Variants in TNFSF12 observed in about 807,000 individuals in gnomAD.
TNFSF12 encodes the protein TNF superfamily member 12.
A neutral mutation model predicts 31.2 loss-of-function variants in TNFSF12; 16 were observed. That is an observed-to-expected ratio of 0.51 (90% CI 0.35 to 0.78). The LOEUF (loss-of-function observed/expected upper bound fraction) is 0.78. TNFSF12 is among the 30% of genes least tolerant of loss of function. The probability of loss-of-function intolerance (pLI) is 0.01; values close to 1 mark genes in which losing one functional copy is unlikely to be tolerated. For missense variants in TNFSF12, 324 were observed against 338.8 expected (o/e 0.96, Z 0.34); for synonymous variants, 150 against 151.4 (o/e 0.99, Z 0.07).
chr17:7,555,569 T>C (rs553952352), intron 5 of TNFSF12, among the ~76,000 whole-genome samples: 2 of 152,290 alleles, frequency 1.3e-5, no homozygotes, highest in African/African-American at 4.8e-5. Context: ...TAGAGACTCA[T>C]TCTGTGGCTT....
In TNFSF12 at chr17:7,550,397, A is replaced by G. The variant is rs1164730294; in HGVS notation, c.283+202A>G. Among the ~76,000 whole-genome samples the G allele has an allele frequency of 1.3e-5, 2 of 152,290 alleles. No individual in the cohort carries two copies. The highest frequency in any genetic ancestry group is 3.9e-4 in the East Asian group (2 of 5,184). ...CCTTCAGACCCTACCCCAAACAGGA[A>G]GGCAGGGTGGCCATGAGTTAGAAGA... On this transcript the variant is annotated intron_variant, in intron 3 of 6. Coordinates refer to ENST00000293825, the MANE Select transcript of TNFSF12 (RefSeq NM_003809.3). This position sits in a 1 kb window ranked among gnomAD's most constrained non-coding sequence, Gnocchi z 4.4.
rs1400404692 is a variant in TNFSF12, at chr17:7,551,109, C to A, written c.373+131C>A. The A allele has an allele frequency of 2.7e-6, 4 of 1,483,414 alleles. No individual in the cohort carries two copies. The African/African-American group carries it at 4.2e-5, about 16-fold the overall frequency. 91.9% of individuals were successfully genotyped at this position (1,483,414 alleles called of 1,614,324 possible). A position where few individuals can be genotyped will look rare whatever the true frequency, so the allele number is the denominator to read the frequency against. ...GCCAGTTCATGAAGGTCTTGGTTCT[C>A]TCTGTGACCCAGGCGTGGGACCCCA... is the stretch of plus-strand genomic sequence containing the variant. On this transcript the variant is annotated intron_variant, in intron 5 of 6. Transcript: ENST00000293825.
rs748479475 is a variant in TNFSF12 at position 7,550,810 on chromosome 17, C to T, written c.295C>T (p.Arg99Trp). ...TCCTTGATCCTCAGCACCTAAAGGC[C>T]GGAAAACACGGGCTCGAAGAGCGAT... ...VRPRRSAPKG[R>W]KTRARRAIAA... is the part of the protein sequence containing the mutation. Residue 99 changes from arginine (R) to tryptophan (W), a missense_variant, in exon 4 of 7, where the codon CGG becomes TGG. Physicochemically the swap from Arg to Trp is moderately radical, Grantham distance 101 (BLOSUM62 -3). Transcript: ENST00000293825. This position sits in a 1 kb window ranked among gnomAD's most constrained non-coding sequence, Gnocchi z 4.4. 1.1e-5 allele frequency: 17 copies of T among 1,611,130 alleles called. 1 individual carries two copies. The South Asian group carries it at 1.1e-4, about 10-fold the overall frequency.
chr17:7,553,040 T>C (rs1206356596), intron 5 of TNFSF12, among the ~76,000 whole-genome samples: 10 of 78,942 alleles, frequency 1.3e-4, no homozygotes, highest in Admixed American at 8.4e-4. Flanking sequence ...TTTTTTTTTT[T>C]TTTTTTTTTT....
At chr17:7,553,916 G>T in intron 5 of TNFSF12, 1 of 1,009,172 alleles carries the variant, frequency 9.9e-7, no homozygotes. Flanking sequence ...GGAGACAGGA[G>T]ATTTGAGGAG....
intron 5 of TNFSF12, among the ~76,000 whole-genome samples, chr17:7,552,688 C>T (rs938262011): frequency 6.6e-6 from 1 of 152,012 alleles, no homozygotes. Context: ...AAGGGCCCCA[C>T]GAATGAAGCC....
chr17:7,554,547 C>A (rs113924794), intron 5 of TNFSF12, among the ~76,000 whole-genome samples: 1 of 149,710 alleles, frequency 6.7e-6, no homozygotes, highest in Non-Finnish European at 1.5e-5. Flanking sequence ...GATCTCCTGA[C>A]CTCGTGATCC....
intron 6 of TNFSF12, 66 bp downstream of exon 6, chr17:7,556,968 G>A: frequency 6.5e-7 from 1 of 1,529,392 alleles, no homozygotes; most frequent in South Asian, 1.3e-5. Context: ...CAGGAGAGTG[G>A]GGGACAAGCT....
rs939964824 is a variant in TNFSF12 at position 7,557,866 on chromosome 17, T to C, written c.*516T>C. On this transcript the variant is annotated 3_prime_UTR_variant, in exon 7 of 7. Coordinates refer to ENST00000293825, the MANE Select transcript of TNFSF12 (RefSeq NM_003809.3). The surrounding 1 kb of genome is among the most constrained non-coding windows in gnomAD (Gnocchi z 5.2). ...ATTATTGTGACAAAATGTTGATAAA[T>C]GGATATTAAATAGAATAAGTCATAG... The C allele has an allele frequency of 1.0e-4, 16 of 154,712 alleles. No individual in the cohort carries two copies. The highest frequency in any genetic ancestry group is 3.9e-4 in the African/African-American group (16 of 41,436). 9.6% of individuals were successfully genotyped at this position (154,712 alleles called of 1,614,324 possible).
In TNFSF12 at chr17:7,549,423, G is replaced by T; in HGVS notation, c.160-51G>T. On this transcript the variant is annotated intron_variant, in intron 1 of 6. Transcript: ENST00000293825. The surrounding 1 kb of genome is among the most constrained non-coding windows in gnomAD (Gnocchi z 4.1). ...AAGGGGAAGGGAGGATGGGTGGAGGGTGAGATGTCAGGTGGAGCGGCACAG... is the reference window on the plus strand; with the variant it reads ...AAGGGGAAGGGAGGATGGGTGGAGGTTGAGATGTCAGGTGGAGCGGCACAG... The T allele has an allele frequency of 6.9e-7, 1 of 1,452,082 alleles. No homozygotes were observed. Among genetic ancestry groups the T allele is most frequent in the Non-Finnish European group, 9.2e-7 (1 of 1,088,288 alleles). The allele number at this position is 1,452,082 out of a possible 1,614,324, so 89.9% of individuals were successfully genotyped here.
In TNFSF12 at chr17:7,557,370, A is replaced by G. The variant is rs374296703; in HGVS notation, c.*20A>G. The G allele has an allele frequency of 6.4e-7, 1 of 1,558,264 alleles. No individual in the cohort carries two copies. The highest frequency in any genetic ancestry group is 8.7e-7 in the Non-Finnish European group (1 of 1,148,072). On this transcript the variant is annotated 3_prime_UTR_variant, in exon 7 of 7. Coordinates refer to ENST00000293825, the MANE Select transcript of TNFSF12 (RefSeq NM_003809.3). The surrounding 1 kb of genome is among the most constrained non-coding windows in gnomAD (Gnocchi z 5.2). ...CACTGAGGGGCCCTGGTCTCCCCGCAGTCGTCCCAGGCTGCCGGCTCCCCT... is the reference window on the plus strand; with the variant it reads ...CACTGAGGGGCCCTGGTCTCCCCGCGGTCGTCCCAGGCTGCCGGCTCCCCT...
intron 5 of TNFSF12, 142 bp from the exon 6 acceptor site, chr17:7,556,636 A>AT: frequency 7.7e-7 from 1 of 1,299,922 alleles, no homozygotes; most frequent in Non-Finnish European, 9.9e-7. Flanking sequence ...ATCATAGGGG[A>AT]TGGGTCCTCC....
Position 7,549,188 on chromosome 17 carries a change from G to A in TNFSF12, c.35G>A (p.Arg12His), listed in dbSNP as rs2070968615. 7.7e-6 allele frequency: 10 copies of A among 1,304,458 alleles called. No individual in the cohort carries two copies. The highest frequency in any genetic ancestry group is 9.7e-6 in the Non-Finnish European group (10 of 1,030,390). The allele number at this position is 1,304,458 out of a possible 1,614,324, so 80.8% of individuals were successfully genotyped here. A position where few individuals can be genotyped will look rare whatever the true frequency, so the allele number is the denominator to read the frequency against. ...AARRSQRRRG[R>H]RGEPGTALLV... ...CGTCGGAGCCAGAGGCGGAGGGGGCGCCGGGGGGAGCCGGGCACCGCCCTG... is the reference window on the plus strand; with the variant it reads ...CGTCGGAGCCAGAGGCGGAGGGGGCACCGGGGGGAGCCGGGCACCGCCCTG... The change falls in exon 1 of 7, where the codon CGC (arginine) becomes CAC (histidine). Residue 12 changes from arginine (R) to histidine (H), a missense_variant. Coordinates refer to ENST00000293825, the MANE Select transcript of TNFSF12 (RefSeq NM_003809.3). This position sits in a 1 kb window ranked among gnomAD's most constrained non-coding sequence, Gnocchi z 4.1.
chr17:7,556,229 C>T (rs899328380), intron 5 of TNFSF12, among the ~76,000 whole-genome samples: 2 of 152,100 alleles, frequency 1.3e-5, no homozygotes, highest in Non-Finnish European at 2.9e-5. Context: ...GATCCGCCCA[C>T]CTTGGCCTCT....
chr17:7,554,471 G>A lies in TNFSF12; in HGVS notation c.374-2307G>A, dbSNP rs373834499. On this transcript the variant is annotated intron_variant, in intron 5 of 6. Transcript: ENST00000293825. ...TGGGACTACAGGCGCCCGCCACCACGCCTGGCTAATTTTTTTTTATTTTTT... is the reference window on the plus strand; with the variant it reads ...TGGGACTACAGGCGCCCGCCACCACACCTGGCTAATTTTTTTTTATTTTTT... Among the ~76,000 whole-genome samples, 22 of 151,126 alleles carry A rather than the reference G, an allele frequency of 1.5e-4. No homozygotes were observed. In the South Asian group the frequency reaches 2.5e-3, roughly 17 times the overall value.
intron 5 of TNFSF12, among the ~76,000 whole-genome samples, chr17:7,555,915 ACT>A (rs2071055785): frequency 1.3e-5 from 2 of 148,548 alleles, no homozygotes; most frequent in Admixed American, 6.9e-5. Flanking sequence ...AGGGCTGGAG[ACT>A]CTGCAGAGCA....
In TNFSF12 at chr17:7,557,400, A is replaced by G; in HGVS notation, c.*50A>G. On this transcript the variant is annotated 3_prime_UTR_variant, in exon 7 of 7. Transcript: ENST00000293825. The surrounding 1 kb of genome is among the most constrained non-coding windows in gnomAD (Gnocchi z 5.2). ...TCCCAGGCTGCCGGCTCCCCTCGAC[A>G]GCTCTCTGGGCACCCGGTCCCCTCT... 1 of 1,532,272 alleles carries G rather than the reference A, an allele frequency of 6.5e-7. No individual in the cohort carries two copies. Among genetic ancestry groups the G allele is most frequent in the Non-Finnish European group, 8.8e-7 (1 of 1,138,342 alleles). The allele number at this position is 1,532,272 out of a possible 1,614,324, so 94.9% of individuals were successfully genotyped here.
At chr17:7,556,278 G>T (rs1421764705) in intron 5 of TNFSF12, among the ~76,000 whole-genome samples, 4 of 152,134 alleles carry the variant, frequency 2.6e-5, no homozygotes, top group African/African-American at 9.7e-5. Context: ...ACTGCACCTG[G>T]CTGAGCATGA....
Position 7,550,086 on chromosome 17 carries a change from A to T in TNFSF12, c.208-34A>T, listed in dbSNP as rs768833368. ...GTATGTCTCACTTTATATCTCTGGG[A>T]GTCTGTGGTTGAACCCTGCCCTAAT... On this transcript the variant is annotated intron_variant, in intron 2 of 6. Transcript: ENST00000293825. The surrounding 1 kb of genome is among the most constrained non-coding windows in gnomAD (Gnocchi z 4.4). 1.2e-6 allele frequency: 2 copies of T among 1,613,890 alleles called. No homozygotes were observed. Among genetic ancestry groups the T allele is most frequent in the East Asian group, 2.2e-5 (1 of 44,880 alleles).
Sources: allele counts gnomAD v4.1 joint callset (sites outside exome capture counted in the v4.1 genomes callset), GRCh38; gene constraint gnomAD v4.1.1; non-coding constraint Gnocchi (gnomAD v3.1); transcripts MANE v1.5; gene names NCBI Gene and HGNC (gene_info 2026-07-23, HGNC 2026-07-21).